STX17: variants seen among roughly 807,000 people sequenced by gnomAD.
STX17 encodes syntaxin 17, also known as syntaxin-17.
Under a neutral mutation model 35.9 loss-of-function variants are expected in STX17, and 29 were observed. The ratio of observed to expected loss-of-function variants is 0.81; its 90% CI spans 0.60 to 1.10. The LOEUF (loss-of-function observed/expected upper bound fraction) is 1.10. Ranked by LOEUF, STX17 falls within the 50% of genes least tolerant of loss-of-function variation. The probability of loss-of-function intolerance (pLI) is 0.00; values close to 1 mark genes in which losing one functional copy is unlikely to be tolerated. For synonymous variants in STX17, 92 were observed against 118.3 expected (o/e 0.78, Z 1.44); for missense variants, 312 against 352.3 (o/e 0.89, Z 0.92).
intron 2 of STX17, among the ~76,000 whole-genome samples, chr9:99,917,705 T>C (rs1056178459): frequency 6.6e-6 from 1 of 152,202 alleles, no homozygotes; most frequent in Non-Finnish European, 1.5e-5. Context: ...TAATGTAAGA[T>C]AGACTTAAGC....
In STX17 at chr9:99,951,162, G is replaced by GAAA; in HGVS notation, c.292_293insAAA (p.Ala98delinsGluThr). 6.2e-7 allele frequency: 1 copy of GAAA among 1,613,082 alleles called. No homozygotes were observed. Among genetic ancestry groups the GAAA allele is most frequent in the Non-Finnish European group, 8.5e-7 (1 of 1,179,242 alleles). On this transcript the variant is annotated protein_altering_variant, in exon 4 of 8. Transcript: ENST00000259400. ...AATGATAGATCCTGTTAAAGAAGAA[G>GAAA]CATCAGCAGCAACAGCAGAATTTCT... is the stretch of plus-strand genomic sequence containing the variant.
chr9:99,964,819 G>A (rs1442447086), intron 6 of STX17, among the ~76,000 whole-genome samples: 1 of 152,172 alleles, frequency 6.6e-6, no homozygotes, highest in African/African-American at 2.4e-5. Context: ...TTCTGCTGAT[G>A]GTAATTGACA....
intron 6 of STX17, among the ~76,000 whole-genome samples, chr9:99,965,845 TC>T (rs1197494544): frequency 2.0e-5 from 3 of 152,160 alleles, no homozygotes; most frequent in Admixed American, 6.6e-5. Flanking sequence ...TTTCTATTTT[TC>T]CCCCCTCACA....
At chr9:99,937,525 C>G (rs573214889) in intron 3 of STX17, among the ~76,000 whole-genome samples, 8 of 152,284 alleles carry the variant, frequency 5.3e-5, no homozygotes, top group Admixed American at 2.6e-4. Context: ...AGTGTCTAGT[C>G]TGCCATTAAT....
At chr9:99,962,363 C>T (rs185483630) in intron 6 of STX17, among the ~76,000 whole-genome samples, 10 of 152,230 alleles carry the variant, frequency 6.6e-5, no homozygotes, top group Admixed American at 2.0e-4. Context: ...GTTTCAGAAT[C>T]AACATTTATT....
chr9:99,927,249 A>G (rs556402536), intron 2 of STX17, among the ~76,000 whole-genome samples: 299 of 152,338 alleles, frequency 2.0e-3, no homozygotes, highest in Non-Finnish European at 3.4e-3. Flanking sequence ...GCAACAGGTT[A>G]GTAGTGGGCA....
chr9:99,941,230 C>G (rs72746329), intron 3 of STX17, among the ~76,000 whole-genome samples: 1 of 152,122 alleles, frequency 6.6e-6, no homozygotes, highest in African/African-American at 2.4e-5. Context: ...ATACCATATA[C>G]CAGGGACCAA....
intron 3 of STX17, among the ~76,000 whole-genome samples, chr9:99,935,198 T>C (rs1356256996): frequency 2.0e-5 from 3 of 151,464 alleles, no homozygotes; most frequent in African/African-American, 7.3e-5. Context: ...GATGTGGTGG[T>C]GGGCACCTGT....
At chr9:99,929,345 A>G (rs1022866377) in intron 3 of STX17, among the ~76,000 whole-genome samples, 2 of 151,810 alleles carry the variant, frequency 1.3e-5, no homozygotes, top group African/African-American at 4.8e-5. Context: ...TACAATTAGT[A>G]TTGCAAATAT....
At chr9:99,925,426 C>A (rs766538450) in intron 2 of STX17, among the ~76,000 whole-genome samples, 8 of 151,970 alleles carry the variant, frequency 5.3e-5, no homozygotes, top group Non-Finnish European at 1.2e-4. Flanking sequence ...CATATGTATC[C>A]GTATGTGCCA....
intron 3 of STX17, among the ~76,000 whole-genome samples, chr9:99,950,467 G>T (rs1473914709): frequency 6.6e-6 from 1 of 151,906 alleles, no homozygotes; most frequent in Middle Eastern, 3.4e-3. Context: ...TATATGCAGG[G>T]ATATTTGTTT....
chr9:99,966,165 A>T (rs1473656428), intron 6 of STX17, among the ~76,000 whole-genome samples: 1 of 152,232 alleles, frequency 6.6e-6, no homozygotes, highest in African/African-American at 2.4e-5. Flanking sequence ...TAGGCCCAGC[A>T]ATCTGTGTTT....
chr9:99,963,870 G>A (rs983484006), intron 6 of STX17, among the ~76,000 whole-genome samples: 4 of 152,008 alleles, frequency 2.6e-5, no homozygotes, highest in Non-Finnish European at 5.9e-5. Flanking sequence ...GTATATGATT[G>A]CATATGATTA....
intron 3 of STX17, among the ~76,000 whole-genome samples, chr9:99,931,744 G>T (rs917791441): frequency 6.6e-6 from 1 of 151,834 alleles, no homozygotes; most frequent in Non-Finnish European, 1.5e-5. Context: ...TCTGATTTTC[G>T]CTCTGTTTTC....
chr9:99,923,267 C>A (rs1462178506), intron 2 of STX17, among the ~76,000 whole-genome samples: 1 of 151,964 alleles, frequency 6.6e-6, no homozygotes, highest in Non-Finnish European at 1.5e-5. Context: ...TTTAATAATT[C>A]ATGGGAAAGC....
chr9:99,929,567 G>A (rs796725692), intron 3 of STX17, among the ~76,000 whole-genome samples: 1 of 151,598 alleles, frequency 6.6e-6, no homozygotes, highest in Non-Finnish European at 1.5e-5. Flanking sequence ...ACTAAATAAT[G>A]TGTAGACTGA....
intron 3 of STX17, among the ~76,000 whole-genome samples, chr9:99,946,297 T>A (rs1829481478): frequency 6.6e-6 from 1 of 152,144 alleles, no homozygotes; most frequent in African/African-American, 2.4e-5. Context: ...GCTTTGAACA[T>A]CTATGGATTT....
chr9:99,954,478 G>T (rs7853264), intron 4 of STX17, among the ~76,000 whole-genome samples: 61,170 of 151,764 alleles, frequency 0.4, 13,095 homozygotes, highest in East Asian at 0.7. Context: ...AATGAATAAT[G>T]AAAGGAAAGC....
rs1830047657 is a variant in STX17, at chr9:99,973,211, A to C, written c.*4538A>C. On this transcript the variant is annotated 3_prime_UTR_variant, in exon 8 of 8. Coordinates refer to ENST00000259400, the MANE Select transcript of STX17 (RefSeq NM_017919.3). The stretch of plus-strand genomic sequence containing the variant: ...TAAGAAATATATCTGTGCAATATTA[A>C]ATTGAAAAAAAAAAACCCATAAAAA... 9.6e-6 allele frequency among the ~76,000 whole-genome samples: 1 copy of C among 104,490 alleles called. No individual in the cohort carries two copies. Among genetic ancestry groups the C allele is most frequent in the African/African-American group, 4.4e-5 (1 of 22,524 alleles). The allele number at this position is 104,490 out of a possible 152,430, so 68.5% of individuals were successfully genotyped here. A position where few individuals can be genotyped will look rare whatever the true frequency, so the allele number is the denominator to read the frequency against.
Sources: allele counts gnomAD v4.1 joint callset (sites outside exome capture counted in the v4.1 genomes callset), GRCh38; gene constraint gnomAD v4.1.1; transcripts MANE v1.5; gene names NCBI Gene and HGNC (gene_info 2026-07-23, HGNC 2026-07-21).